Variants in SORCS3 observed in about 807,000 individuals in gnomAD.
The protein encoded by SORCS3 is sortilin related VPS10 domain containing receptor 3.
SORCS3 carries 57 observed loss-of-function variants against 146.3 expected under a neutral mutation model. The observed-to-expected ratio is 0.39, with a 90% confidence interval of 0.31 to 0.49. SORCS3 has a LOEUF of 0.49. Ranked by LOEUF, SORCS3 falls within the 20% of genes least tolerant of loss-of-function variation. SORCS3 has a pLI of 0.92. For synonymous variants in SORCS3, 653 were observed against 618.5 expected (o/e 1.06, Z -0.83); for missense variants, 1,341 against 1,575.5 (o/e 0.85, Z 2.52).
chr10:104,876,077 T>G (rs1410371782), intron 2 of SORCS3, among the ~76,000 whole-genome samples: 4 of 152,180 alleles, frequency 2.6e-5, no homozygotes, highest in African/African-American at 9.7e-5. Flanking sequence ...CAAATTGTAT[T>G]TCTCACCTTG....
chr10:105,127,041 C>T (rs773814221), intron 7 of SORCS3, among the ~76,000 whole-genome samples: 9 of 152,036 alleles, frequency 5.9e-5, no homozygotes, highest in Admixed American at 3.9e-4. Context: ...AACCAGTACT[C>T]GCTGATTGAC....
chr10:104,958,248 G>A (rs1338106525), intron 3 of SORCS3, among the ~76,000 whole-genome samples: 4 of 152,074 alleles, frequency 2.6e-5, no homozygotes, highest in Non-Finnish European at 4.4e-5. Flanking sequence ...TTAATACTTA[G>A]TAATCAATTG....
chr10:105,017,210 G>C (rs2055173566), intron 4 of SORCS3, among the ~76,000 whole-genome samples: 1 of 152,036 alleles, frequency 6.6e-6, no homozygotes, highest in Admixed American at 6.6e-5. Flanking sequence ...ATACAATTGG[G>C]GTTTGTAGCT....
chr10:104,673,858 C>T (rs549198785), intron 1 of SORCS3, among the ~76,000 whole-genome samples: 6 of 152,282 alleles, frequency 3.9e-5, no homozygotes, highest in African/African-American at 1.2e-4. Flanking sequence ...AGCCTAACTT[C>T]AATAACATAA....
At chr10:105,048,486 G>A (rs2055389467) in intron 5 of SORCS3, among the ~76,000 whole-genome samples, 1 of 145,020 alleles carries the variant, frequency 6.9e-6, no homozygotes. Flanking sequence ...ATTGAACAAT[G>A]AGAACACATG....
intron 4 of SORCS3, among the ~76,000 whole-genome samples, chr10:105,000,821 A>G (rs1258633991): frequency 6.6e-6 from 1 of 152,132 alleles, no homozygotes; most frequent in Non-Finnish European, 1.5e-5. Context: ...CCCATTGTTT[A>G]CCACATAAGG....
At chr10:105,245,450 C>T in intron 20 of SORCS3, 92 bp from the exon 21 acceptor site, 4 of 1,467,386 alleles carry the variant, frequency 2.7e-6, no homozygotes, top group South Asian at 1.3e-5. Context: ...TTTTCTTTTC[C>T]AAGTTAGGAT....
At chr10:104,889,051 A>C (rs1019997067) in intron 2 of SORCS3, among the ~76,000 whole-genome samples, 16 of 152,070 alleles carry the variant, frequency 1.1e-4, no homozygotes, top group African/African-American at 3.9e-4. Flanking sequence ...ATTTCTCTTT[A>C]TCTGTGGTAG....
intron 7 of SORCS3, among the ~76,000 whole-genome samples, chr10:105,133,478 G>T (rs982010380): frequency 6.6e-6 from 1 of 152,110 alleles, no homozygotes; most frequent in Non-Finnish European, 1.5e-5. Context: ...AGAAAGCCCA[G>T]GTTTATATTC....
At chr10:105,068,807 G>T (rs1315918558) in intron 5 of SORCS3, among the ~76,000 whole-genome samples, 1 of 152,100 alleles carries the variant, frequency 6.6e-6, no homozygotes, top group Non-Finnish European at 1.5e-5. Flanking sequence ...ATTCCTAAAT[G>T]AATAGAAATC....
At chr10:104,735,581 C>G (rs1300729863) in intron 1 of SORCS3, among the ~76,000 whole-genome samples, 1 of 150,100 alleles carries the variant, frequency 6.7e-6, no homozygotes, top group Non-Finnish European at 1.5e-5. Context: ...TGTAAATTAC[C>G]TATGAAAAAG....
At chr10:105,259,431 G>A (rs2056948373) in intron 25 of SORCS3, among the ~76,000 whole-genome samples, 2 of 152,124 alleles carry the variant, frequency 1.3e-5, no homozygotes, top group Non-Finnish European at 2.9e-5. Context: ...TACTTCCTGT[G>A]TTCCAGGCAC....
At chr10:105,125,778 G>A (rs2055969691) in intron 7 of SORCS3, among the ~76,000 whole-genome samples, 1 of 151,658 alleles carries the variant, frequency 6.6e-6, no homozygotes, top group East Asian at 2.0e-4. Flanking sequence ...CAGGACCAAG[G>A]AAGTGAGTGG....
At chr10:105,016,694 C>G (rs1490132584) in intron 4 of SORCS3, among the ~76,000 whole-genome samples, 1 of 152,022 alleles carries the variant, frequency 6.6e-6, no homozygotes, top group Non-Finnish European at 1.5e-5. Context: ...TTGCTGAAGG[C>G]TCTATCATGC....
intron 14 of SORCS3, among the ~76,000 whole-genome samples, chr10:105,189,138 G>T (rs973348979): frequency 6.6e-6 from 1 of 152,144 alleles, no homozygotes; most frequent in African/African-American, 2.4e-5. Context: ...CTCACTTCTA[G>T]CAGGGGTTCT....
chr10:104,696,351 C>CATATACACATATG (rs2016192503), intron 1 of SORCS3, among the ~76,000 whole-genome samples: 7 of 34 alleles, frequency 0.21, 3 homozygotes, highest in African/African-American at 0.35. Context: ...TGATATATAT[C>CATATACACATATG]ATATATATAT....
chr10:105,132,012 T>G (rs2056023000), intron 7 of SORCS3, among the ~76,000 whole-genome samples: 1 of 152,114 alleles, frequency 6.6e-6, no homozygotes, highest in East Asian at 1.9e-4. Context: ...TTTCTGGGAA[T>G]TGGAAATGAA....
chr10:104,750,896 C>T (rs1227458023), intron 1 of SORCS3, among the ~76,000 whole-genome samples: 1 of 152,080 alleles, frequency 6.6e-6, no homozygotes, highest in Non-Finnish European at 1.5e-5. Flanking sequence ...TTTAATAGAC[C>T]TATATTCTAG....
intron 1 of SORCS3, among the ~76,000 whole-genome samples, chr10:104,648,869 G>A (rs1354732934): frequency 6.6e-6 from 1 of 152,130 alleles, no homozygotes; most frequent in African/African-American, 2.4e-5. Flanking sequence ...GTGCATGCAG[G>A]GAATCAGAGG....
Sources: gnomAD v4.1 joint callset for allele counts (sites outside exome capture counted in the v4.1 genomes callset) on GRCh38, gnomAD v4.1.1 for gene constraint, MANE v1.5 for transcripts, NCBI Gene and HGNC (gene_info 2026-07-23, HGNC 2026-07-21) for gene names.